DNMBP: variants seen among roughly 807,000 people sequenced by gnomAD.
The protein encoded by DNMBP is dynamin binding protein, also known as dynamin-binding protein.
A neutral mutation model predicts 150.0 loss-of-function variants in DNMBP; 87 were observed. That is an observed-to-expected ratio of 0.58 (90% CI 0.49 to 0.69). The LOEUF is 0.69. DNMBP is among the 30% of genes least tolerant of loss of function. The pLI, the probability that DNMBP is intolerant of heterozygous loss-of-function variation, is 0.00. For synonymous variants in DNMBP, 711 were observed against 750.4 expected (o/e 0.95, Z 0.86); for missense variants, 1,774 against 1,949.0 (o/e 0.91, Z 1.69).
chr10:99,881,819 C>CT (rs1160672799), intron 15 of DNMBP, among the ~76,000 whole-genome samples: 6 of 152,082 alleles, frequency 3.9e-5, no homozygotes, highest in African/African-American at 1.4e-4. Flanking sequence ...CCACAAGATG[C>CT]TTTTAAAGAA....
intron 4 of DNMBP, chr10:99,929,640 G>A: frequency 1.4e-6 from 1 of 693,088 alleles, no homozygotes; most frequent in South Asian, 1.5e-5. Flanking sequence ...CACGAACTCT[G>A]AGCGCCTCAG....
intron 1 of DNMBP, among the ~76,000 whole-genome samples, chr10:99,999,738 G>C (rs1294245463): frequency 6.6e-6 from 1 of 152,198 alleles, no homozygotes; most frequent in Non-Finnish European, 1.5e-5. Flanking sequence ...AGTATATGTA[G>C]GGTTGGTGCT....
chr10:99,921,578 G>C (rs1445482366), intron 4 of DNMBP, among the ~76,000 whole-genome samples: 1 of 152,048 alleles, frequency 6.6e-6, no homozygotes, highest in East Asian at 1.9e-4. Flanking sequence ...TTGAGACCAG[G>C]TGTGGTGGCC....
At chr10:99,892,204 C>G (rs1356059263) in intron 11 of DNMBP, among the ~76,000 whole-genome samples, 1 of 149,100 alleles carries the variant, frequency 6.7e-6, no homozygotes, top group Non-Finnish European at 1.5e-5. Context: ...CCAGCCGCCC[C>G]GTCCGGGAGG....
chr10:99,981,581 A>G (rs371304973), intron 1 of DNMBP, among the ~76,000 whole-genome samples: 2 of 152,348 alleles, frequency 1.3e-5, no homozygotes, highest in East Asian at 3.9e-4. Context: ...ATAGACACCG[A>G]TATCAAACAG....
intron 3 of DNMBP, among the ~76,000 whole-genome samples, chr10:99,967,700 G>GTGTGT (rs1564749488): frequency 4.4e-4 from 50 of 114,674 alleles, no homozygotes; most frequent in African/African-American, 1.4e-3. Context: ...TGTGTGTGTG[G>GTGTGT]GTATGTGTGT....
chr10:99,951,861 G>A lies in DNMBP; in HGVS notation c.2260+3353C>T, dbSNP rs182354287. ...GCTGAAATGAGTTAAGACTTTGGGG[G>A]ACTGTTGGGAAGGCATGATTAGTTT... On this transcript the variant is annotated intron_variant, in intron 4 of 16. Transcript: ENST00000324109. 7.6e-4 allele frequency among the ~76,000 whole-genome samples: 116 copies of A among 152,310 alleles called. 1 individual carries two copies. The highest frequency in any genetic ancestry group is 2.8e-3 in the African/African-American group (115 of 41,576).
At chr10:99,940,488 CT>C (rs1458887702) in intron 4 of DNMBP, among the ~76,000 whole-genome samples, 1 of 152,120 alleles carries the variant, frequency 6.6e-6, no homozygotes, top group Non-Finnish European at 1.5e-5. Flanking sequence ...GACCCCTCCC[CT>C]CCTGACCACT....
intron 14 of DNMBP, among the ~76,000 whole-genome samples, chr10:99,884,951 G>A (rs1008808815): frequency 6.6e-6 from 1 of 152,032 alleles, no homozygotes; most frequent in African/African-American, 2.4e-5. Flanking sequence ...TAATGTCTAT[G>A]GGATCATATG....
At chr10:99,986,594 C>CAAAAAAAAAAAAAAAAAAAA (rs747726572) in intron 1 of DNMBP, among the ~76,000 whole-genome samples, 11 of 74,170 alleles carry the variant, frequency 1.5e-4, no homozygotes, top group African/African-American at 1.9e-4. Flanking sequence ...GACTCCGTCT[C>CAAAAAAAAAAAAAAAAAAAA]AAAAAAAAAA....
At position 99,956,106 on chromosome 10, in the gene DNMBP, A is replaced by G. The variant is rs772727951; in HGVS notation, c.1368T>C (p.Tyr456=). 6.8e-6 allele frequency: 11 copies of G among 1,614,194 alleles called. No homozygotes were observed. In the South Asian group the frequency reaches 1.1e-4, roughly 16 times the overall value. Residue 456 remains tyrosine (Y), a synonymous_variant, in exon 4 of 17, where the codon TAT becomes TAC. Coordinates refer to ENST00000324109, the MANE Select transcript of DNMBP (RefSeq NM_015221.4). ...LLPLEARTRD[Y]ASLPPKRMYS... ...ACATTCTTTTGGGAGGTAGGCTGGC[A>G]TAGTCTCTAGTCCTTGCTTCTAGGG...
At chr10:99,902,383 C>T (rs192511206) in intron 6 of DNMBP, among the ~76,000 whole-genome samples, 1,473 of 138,138 alleles carry the variant, frequency 0.011, 25 homozygotes, top group African/African-American at 0.038. Context: ...GATCTCAACT[C>T]ACTGCAACCT....
intron 1 of DNMBP, among the ~76,000 whole-genome samples, chr10:99,991,182 G>A (rs61871665): frequency 0.044 from 6,724 of 151,346 alleles, 168 homozygotes; most frequent in South Asian, 0.087. Flanking sequence ...GGGTTCAATC[G>A]ATTCTCCTGC....
At position 99,886,628 on chromosome 10, in the gene DNMBP, T is replaced by C. The variant is rs759770700; in HGVS notation, c.3290A>G (p.Glu1097Gly). ...GGAGATGACAAGCCGCTCTGTCCTC[T>C]CCTTCTGTAGGGACGAGAAAGGCAC... ...ISDQLFTNFK[E>G]RTERLVISPL... Residue 1097 changes from glutamate to glycine, a missense_variant, in exon 13 of 17, where the codon GAG (glutamate) becomes GGG (glycine). By Grantham distance (98) the Glu-to-Gly change is moderately conservative. Around this residue, in one of 2 missense-constraint regions of DNMBP, gnomAD observed 1,430 missense variants for 1,492.5 expected, o/e 0.96. Coordinates refer to ENST00000324109, the MANE Select transcript of DNMBP (RefSeq NM_015221.4). The C allele has an allele frequency of 8.1e-6, 13 of 1,611,744 alleles. No individual in the cohort carries two copies. The highest frequency in any genetic ancestry group is 2.5e-6 in the Non-Finnish European group (3 of 1,178,448).
Position 99,896,359 on chromosome 10 carries a change from C to T in DNMBP, c.2959G>A (p.Glu987Lys). 1 of 1,614,132 alleles carries T rather than the reference C, an allele frequency of 6.2e-7. No homozygotes were observed. Among genetic ancestry groups the T allele is most frequent in the Non-Finnish European group, 8.5e-7 (1 of 1,180,016 alleles). ...YRKGDEDSLM[E>K]KISKLNIHSI... ...TGGATGTTCAGTTTGGAAATTTTCTCCATAAGGCTATCTTCATCACCCTTA... is the reference window on the plus strand; with the variant it reads ...TGGATGTTCAGTTTGGAAATTTTCTTCATAAGGCTATCTTCATCACCCTTA... The change falls in exon 10 of 17, where the codon GAG becomes AAG. Residue 987 changes from glutamate to lysine, a missense_variant. Transcript: ENST00000324109.
intron 1 of DNMBP, among the ~76,000 whole-genome samples, chr10:99,991,878 C>T (rs1227284023): frequency 1.4e-5 from 2 of 147,990 alleles, no homozygotes; most frequent in African/African-American, 5.0e-5. Context: ...TGCACTCCTA[C>T]CTGGGTGACA....
chr10:99,914,006 G>C, intron 4 of DNMBP: 1 of 1,507,742 alleles, frequency 6.6e-7, no homozygotes, highest in Middle Eastern at 1.7e-4. Context: ...GGGTAAGCAG[G>C]CGGGACAGAA....
At chr10:99,978,003 C>T (rs533072930) in intron 1 of DNMBP, among the ~76,000 whole-genome samples, 28 of 152,280 alleles carry the variant, frequency 1.8e-4, no homozygotes, top group African/African-American at 5.5e-4. Flanking sequence ...CTATGGCAGA[C>T]GGTACACTAA....
chr10:99,902,444 G>C (rs961757827), intron 6 of DNMBP, among the ~76,000 whole-genome samples: 1 of 149,114 alleles, frequency 6.7e-6, no homozygotes, highest in African/African-American at 2.5e-5. Context: ...TGAGTAGCTG[G>C]GATCACAGGC....
Sources: gnomAD v4.1 joint callset for allele counts (sites outside exome capture counted in the v4.1 genomes callset) on GRCh38, gnomAD v4.1.1 for gene constraint, gnomAD v4.1.1 regional missense constraint, MANE v1.5 for transcripts, NCBI Gene and HGNC (gene_info 2026-07-23, HGNC 2026-07-21) for gene names.